The following FIGN variants were observed in gnomAD, a reference collection of about 807,000 sequenced individuals.
FIGN encodes fidgetin.
A neutral mutation model predicts 51.3 loss-of-function variants in FIGN; 11 were observed. The observed-to-expected ratio is 0.21, with a 90% CI of 0.13 to 0.35. FIGN has a LOEUF of 0.35. Among genes scored for constraint, FIGN ranks in the 10% least tolerant of loss-of-function variants. The pLI, the probability that FIGN is intolerant of heterozygous loss-of-function variation, is 1.00. For synonymous variants in FIGN, 407 were observed against 363.2 expected, an observed-to-expected ratio of 1.12 and a Z score of -1.37; for missense variants, 857 against 943.6, an observed-to-expected ratio of 0.91 and a Z score of 1.20.
Position 163,607,397 on chromosome 2 carries a change from T to C in FIGN, c.*2155A>G, listed in dbSNP as rs1691132057. The C allele has an allele frequency of 6.6e-6, 1 of 152,308 alleles. No individual in the cohort carries two copies. The highest frequency in any genetic ancestry group is 2.1e-4 in the South Asian group (1 of 4,834). 9.4% of individuals were successfully genotyped at this position (152,308 alleles called of 1,614,324 possible). ...ATTTATATTTAAGCACAGCTTTAAT[T>C]GACAGAATGTCACAGTAAATTAAAT... On this transcript the variant is annotated 3_prime_UTR_variant, in exon 3 of 3. Coordinates refer to ENST00000333129, the MANE Select transcript of FIGN (RefSeq NM_018086.4).
At chr2:163,657,015 A>G (rs1197686695) in intron 2 of FIGN, among the ~76,000 whole-genome samples, 1 of 152,092 alleles carries the variant, frequency 6.6e-6, no homozygotes, top group Non-Finnish European at 1.5e-5. Context: ...AAAGAAGGCC[A>G]TCTTTATAAG....
In FIGN at chr2:163,610,514, G is replaced by A; in HGVS notation, c.1318C>T (p.His440Tyr). 1.9e-6 allele frequency: 3 copies of A among 1,614,198 alleles called. No individual in the cohort carries two copies. The highest frequency in any genetic ancestry group is 2.5e-6 in the Non-Finnish European group (3 of 1,180,040). The change falls in exon 3 of 3, where the codon CAC becomes TAC. Residue 440 changes from histidine to tyrosine, a missense_variant. By Grantham distance (83) the His-to-Tyr change is moderately conservative (BLOSUM62 2). Around this residue, in one of 3 missense-constraint regions of FIGN, gnomAD observed 799 missense variants for 849.5 expected, o/e 0.94. Coordinates refer to ENST00000333129, the MANE Select transcript of FIGN (RefSeq NM_018086.4). The part of the protein sequence containing the change: ...HGDEHRQLLS[H>Y]PMQGPGLRAA... Reference sequence around the variant, plus strand: ...CGGAGTCCAGGGCCTTGCATTGGGTGAGAGAGGAGCTGCCTGTGCTCGTCC... The same window carrying A: ...CGGAGTCCAGGGCCTTGCATTGGGTAAGAGAGGAGCTGCCTGTGCTCGTCC...
chr2:163,609,428 A>T lies in FIGN; in HGVS notation c.*124T>A. The stretch of plus-strand genomic sequence containing the variant: ...ACCCTGACTCTAAAGATGCAACTTA[A>T]TCGTCATCTTCCCCAGTACCCTTTG... On this transcript the variant is annotated 3_prime_UTR_variant, in exon 3 of 3. Transcript: ENST00000333129. 1.3e-6 allele frequency: 1 copy of T among 798,352 alleles called. No individual in the cohort carries two copies. The highest frequency in any genetic ancestry group is 1.9e-6 in the Non-Finnish European group (1 of 517,976). The allele number at this position is 798,352 out of a possible 1,614,324, so 49.5% of individuals were successfully genotyped here.
In FIGN at chr2:163,657,421, C is replaced by T. The variant is rs1014856171; in HGVS notation, c.26-45615G>A. Among the ~76,000 whole-genome samples the T allele has an allele frequency of 2.0e-5, 3 of 151,992 alleles. No individual in the cohort carries two copies. In the South Asian group the frequency reaches 6.2e-4, roughly 32 times the overall value. On this transcript the variant is annotated intron_variant, in intron 2 of 2. Coordinates refer to ENST00000333129, the MANE Select transcript of FIGN (RefSeq NM_018086.4). ...CAATGAAAAAATCTGGCATACATAC[C>T]ATGCATAGAATGTGTCAGAAGAGGC... is the stretch of plus-strand genomic sequence containing the variant.
At chr2:163,662,398 G>T (rs910605254) in intron 2 of FIGN, among the ~76,000 whole-genome samples, 5 of 152,186 alleles carry the variant, frequency 3.3e-5, no homozygotes, top group Admixed American at 2.0e-4. Context: ...CAGCATAAAA[G>T]TTCAGAAAAT....
rs566952381 is a variant in FIGN, at chr2:163,619,540, G to A, written c.26-7734C>T. ...ATATTCACCCAACAAATATGACCAAGTGTAACGGTGACTATTTTTGCCAAA... is the reference window on the plus strand; with the variant it reads ...ATATTCACCCAACAAATATGACCAAATGTAACGGTGACTATTTTTGCCAAA... On this transcript the variant is annotated intron_variant, in intron 2 of 2. Transcript: ENST00000333129. Among the ~76,000 whole-genome samples the A allele has an allele frequency of 1.5e-3, 231 of 152,214 alleles. 7 individuals carry two copies. The highest frequency in any genetic ancestry group is 2.1e-3 in the South Asian group (10 of 4,820).
At chr2:163,622,736 G>C (rs978704464) in intron 2 of FIGN, among the ~76,000 whole-genome samples, 2 of 151,828 alleles carry the variant, frequency 1.3e-5, no homozygotes, top group African/African-American at 4.8e-5. Flanking sequence ...TAATTATTGT[G>C]TATTTTTTGG....
At chr2:163,733,579 T>C (rs550281227) in intron 2 of FIGN, among the ~76,000 whole-genome samples, 7 of 152,222 alleles carry the variant, frequency 4.6e-5, no homozygotes, top group African/African-American at 9.6e-5. Flanking sequence ...CTGTGCTCTC[T>C]CCTCCTTAAA....
chr2:163,726,341 G>A (rs1573975462), intron 2 of FIGN, among the ~76,000 whole-genome samples: 1 of 152,138 alleles, frequency 6.6e-6, no homozygotes, highest in Non-Finnish European at 1.5e-5. Flanking sequence ...TAAGGGCAGG[G>A]GGGATAAGAC....
chr2:163,650,219 T>C (rs1166034360), intron 2 of FIGN, among the ~76,000 whole-genome samples: 1 of 152,068 alleles, frequency 6.6e-6, no homozygotes, highest in African/African-American at 2.4e-5. Flanking sequence ...ATCGATATTG[T>C]AATGTGCTAT....
intron 2 of FIGN, among the ~76,000 whole-genome samples, chr2:163,691,398 C>T (rs577940417): frequency 4.8e-4 from 73 of 152,224 alleles, no homozygotes; most frequent in African/African-American, 1.5e-3. Context: ...TTCATGGTGA[C>T]AAACGAGGAA....
intron 2 of FIGN, among the ~76,000 whole-genome samples, chr2:163,679,777 T>A (rs1479817414): frequency 6.6e-6 from 1 of 152,240 alleles, no homozygotes; most frequent in Non-Finnish European, 1.5e-5. Flanking sequence ...TTTAAAAATA[T>A]GCTAATTGTC....
chr2:163,676,504 A>G (rs1251055091), intron 2 of FIGN, among the ~76,000 whole-genome samples: 1 of 134,416 alleles, frequency 7.4e-6, no homozygotes, highest in Non-Finnish European at 1.6e-5. Context: ...GTGCACCCGA[A>G]TCTGAGAAAC....
intron 2 of FIGN, among the ~76,000 whole-genome samples, chr2:163,664,942 C>T (rs1466358704): frequency 6.6e-6 from 1 of 152,230 alleles, no homozygotes; most frequent in Non-Finnish European, 1.5e-5. Flanking sequence ...CCAATCTAAG[C>T]TGACTGTCTC....
rs866819542 is a variant in FIGN at position 163,635,773 on chromosome 2, T to C, written c.26-23967A>G. 2.8e-4 allele frequency among the ~76,000 whole-genome samples: 43 copies of C among 152,240 alleles called. 1 individual carries two copies. The highest frequency in any genetic ancestry group is 1.0e-3 in the African/African-American group (42 of 41,576). On this transcript the variant is annotated intron_variant, in intron 2 of 2. Coordinates refer to ENST00000333129, the MANE Select transcript of FIGN (RefSeq NM_018086.4). ...GGCACAGACTGATATTTAAGTAAGG[T>C]TGCACCATGGTAACTTTGATGGGTT...
intron 2 of FIGN, among the ~76,000 whole-genome samples, chr2:163,725,942 A>T (rs1475985956): frequency 1.3e-5 from 2 of 152,114 alleles, no homozygotes; most frequent in Non-Finnish European, 2.9e-5. Context: ...ACCAGCTCCA[A>T]CTGGACATTC....
chr2:163,663,965 T>C (rs1033451512), intron 2 of FIGN, among the ~76,000 whole-genome samples: 5 of 152,142 alleles, frequency 3.3e-5, no homozygotes, highest in Admixed American at 2.0e-4. Flanking sequence ...TTAACAAAGA[T>C]AGTTTAAAGA....
At chr2:163,730,043 A>G (rs1195823323) in intron 2 of FIGN, among the ~76,000 whole-genome samples, 2 of 152,222 alleles carry the variant, frequency 1.3e-5, no homozygotes, top group East Asian at 3.9e-4. Context: ...ACTGTTGTCA[A>G]CAGGTACTTA....
chr2:163,705,269 G>C (rs1306149702), intron 2 of FIGN, among the ~76,000 whole-genome samples: 1 of 152,162 alleles, frequency 6.6e-6, no homozygotes. Flanking sequence ...ATAACATACT[G>C]TTCAACACTC....
Sources: allele counts gnomAD v4.1 joint callset (sites outside exome capture counted in the v4.1 genomes callset), GRCh38; gene constraint gnomAD v4.1.1; regional missense constraint gnomAD v4.1.1; transcripts MANE v1.5; gene names NCBI Gene and HGNC (gene_info 2026-07-23, HGNC 2026-07-21).